The following SMAD5 variants were observed in gnomAD, a reference collection of about 807,000 sequenced individuals.
The protein encoded by SMAD5 is MAD, mothers against decapentaplegic homolog 5.
In SMAD5, 9 loss-of-function variants were observed where a neutral mutation model predicts 43.1. The observed-to-expected ratio is 0.21, with a 90% CI of 0.13 to 0.36. SMAD5 has a LOEUF of 0.36. Among genes scored for constraint, SMAD5 ranks in the 10% least tolerant of loss-of-function variants. SMAD5 has a pLI of 1.00. For missense variants in SMAD5, 348 were observed against 574.0 expected, an observed-to-expected ratio of 0.61 and a Z score of 4.02; for synonymous variants, 190 against 192.4, an observed-to-expected ratio of 0.99 and a Z score of 0.10.
rs1754498168 is a variant in SMAD5, at chr5:136,178,297, C to CT, written c.*818dup. ...GCTTTTGGACAATGTTGCAAGAACT[C>CT]TATTTTTGACATGCATTAATCTTTT... On this transcript the variant is annotated 3_prime_UTR_variant, in exon 8 of 8. Transcript: ENST00000545279. 6.6e-6 allele frequency: 1 copy of CT among 152,606 alleles called. No homozygotes were observed. Among genetic ancestry groups the CT allele is most frequent in the Admixed American group, 6.5e-5 (1 of 15,286 alleles). 9.5% of individuals were successfully genotyped at this position (152,606 alleles called of 1,614,324 possible). A position where few individuals can be genotyped will look rare whatever the true frequency, so the allele number is the denominator to read the frequency against.
intron 4 of SMAD5, 23 bp from the exon 5 acceptor site, chr5:136,163,249 A>G (rs757121109): frequency 1.3e-6 from 2 of 1,566,272 alleles, no homozygotes; most frequent in East Asian, 2.3e-5. Context: ...GAAGATTTTA[A>G]TTATTATTTT....
At chr5:136,140,652 C>G (rs906127207) in intron 1 of SMAD5, among the ~76,000 whole-genome samples, 2 of 152,002 alleles carry the variant, frequency 1.3e-5, no homozygotes, top group Non-Finnish European at 2.9e-5. Flanking sequence ...CTTGGTGAGA[C>G]CCAGCCCAGC....
Position 136,167,412 on chromosome 5 carries a change from C to G in SMAD5, c.775+4021C>G, listed in dbSNP as rs185597576. On this transcript the variant is annotated intron_variant, in intron 5 of 7. Coordinates refer to ENST00000545279, the MANE Select transcript of SMAD5 (RefSeq NM_005903.7). ...ATACTCAGAATTGATTTATTTTCCT[C>G]TCTTTCTTCTCATCTGAATTCTTTG... is the stretch of plus-strand genomic sequence containing the variant. Among the ~76,000 whole-genome samples the G allele has an allele frequency of 2.6e-3, 396 of 152,194 alleles. 11 individuals are homozygous for G. Among genetic ancestry groups the G allele is most frequent in the Admixed American group, 0.023 (346 of 15,282 alleles).
rs2149782143 is a variant in SMAD5 at position 136,175,549 on chromosome 5, C to T, written c.1254+917C>T. On this transcript the variant is annotated intron_variant, in intron 7 of 7. Coordinates refer to ENST00000545279, the MANE Select transcript of SMAD5 (RefSeq NM_005903.7). ...CTCTTCACCTGACTGTATTGACATT[C>T]CAAAGATTTGTGCTTAAAATCTGAA... Among the ~76,000 whole-genome samples, 3 of 152,248 alleles carry T rather than the reference C, an allele frequency of 2.0e-5. No homozygotes were observed. In the East Asian group the frequency reaches 5.8e-4, roughly 29 times the overall value.
At position 136,148,163 on chromosome 5, in the gene SMAD5, T is replaced by G. The variant is rs10042143; in HGVS notation, c.-170+257T>G. Among the ~76,000 whole-genome samples, 54,543 of 151,498 alleles carry G rather than the reference T, an allele frequency of 0.36. 10,803 individuals are homozygous for G. The highest frequency in any genetic ancestry group is 0.54 in the African/African-American group (22,281 of 41,362). The stretch of plus-strand genomic sequence containing the variant: ...TATAATGAACAAATAATGGATCAAG[T>G]GTGAATGGATAAACAATTTTTCCCA... On this transcript the variant is annotated intron_variant, in intron 2 of 7. Transcript: ENST00000545279.
chr5:136,143,208 G>T (rs1328634831), intron 1 of SMAD5, among the ~76,000 whole-genome samples: 1 of 151,356 alleles, frequency 6.6e-6, no homozygotes, highest in Non-Finnish European at 1.5e-5. Context: ...ATTATTCAGG[G>T]TTTAAACCTT....
Position 136,179,711 on chromosome 5 carries a change from C to T in SMAD5, c.*2231C>T, listed in dbSNP as rs1185108440. ...TTCTTCCAGAGTTCTGTCTGCCACA[C>T]GAAAGAGAATATTTGCTTACTTGAT... On this transcript the variant is annotated 3_prime_UTR_variant, in exon 8 of 8. Coordinates refer to ENST00000545279, the MANE Select transcript of SMAD5 (RefSeq NM_005903.7). 2.6e-5 allele frequency: 4 copies of T among 152,146 alleles called. No homozygotes were observed. Among genetic ancestry groups the T allele is most frequent in the Admixed American group, 6.5e-5 (1 of 15,282 alleles). 9.4% of individuals were successfully genotyped at this position (152,146 alleles called of 1,614,324 possible). A position where few individuals can be genotyped will look rare whatever the true frequency, so the allele number is the denominator to read the frequency against.
chr5:136,141,557 A>G (rs1050910579), intron 1 of SMAD5, among the ~76,000 whole-genome samples: 1 of 152,166 alleles, frequency 6.6e-6, no homozygotes, highest in African/African-American at 2.4e-5. Flanking sequence ...ACTTAGAAAA[A>G]GGCCTTCTCA....
intron 1 of SMAD5, chr5:136,134,164 T>G (rs1287492793): frequency 6.6e-6 from 1 of 152,518 alleles, no homozygotes; most frequent in Non-Finnish European, 1.5e-5. Context: ...TGTCTAGGTT[T>G]GTCACATCAT....
intron 5 of SMAD5, among the ~76,000 whole-genome samples, chr5:136,168,079 G>T (rs964430230): frequency 2.6e-5 from 4 of 152,086 alleles, no homozygotes; most frequent in Admixed American, 1.3e-4. Flanking sequence ...GACCTCACAT[G>T]ATCTGCCCAC....
chr5:136,152,911 C>A (rs1020431349), intron 2 of SMAD5, among the ~76,000 whole-genome samples: 1 of 151,964 alleles, frequency 6.6e-6, no homozygotes, highest in African/African-American at 2.4e-5. Flanking sequence ...TAAAATAAGC[C>A]GATAGGAATT....
intron 3 of SMAD5, among the ~76,000 whole-genome samples, chr5:136,159,833 T>C (rs1175998102): frequency 6.6e-6 from 1 of 152,244 alleles, no homozygotes; most frequent in Non-Finnish European, 1.5e-5. Context: ...CACTGGATTG[T>C]TGTGTACATC....
rs1001786230 is a variant in SMAD5 at position 136,145,464 on chromosome 5, A to G, written c.-244-2368A>G. ...AACATTCTTCATACTTACATTCTTG[A>G]TGGCAGAAGGATGATACTGTGAATA... On this transcript the variant is annotated intron_variant, in intron 1 of 7. Transcript: ENST00000545279. Among the ~76,000 whole-genome samples the G allele has an allele frequency of 2.6e-5, 4 of 151,978 alleles. No individual in the cohort carries two copies. In the East Asian group the frequency reaches 7.7e-4, roughly 29 times the overall value.
intron 1 of SMAD5, among the ~76,000 whole-genome samples, chr5:136,135,685 A>G (rs1486248490): frequency 1.3e-5 from 2 of 152,210 alleles, no homozygotes; most frequent in African/African-American, 4.8e-5. Context: ...TTTATGACAT[A>G]TCAGTGTTTA....
At chr5:136,161,746 T>G (rs1297430609) in intron 4 of SMAD5, among the ~76,000 whole-genome samples, 1 of 152,188 alleles carries the variant, frequency 6.6e-6, no homozygotes, top group Non-Finnish European at 1.5e-5. Flanking sequence ...TATGTCACTG[T>G]CAAGAAATAT....
intron 5 of SMAD5, among the ~76,000 whole-genome samples, chr5:136,170,033 T>C (rs75196157): frequency 2.6e-5 from 4 of 152,074 alleles, no homozygotes; most frequent in Middle Eastern, 3.2e-3. Flanking sequence ...ATTTTTTTTT[T>C]CCTAATCTGT....
intron 1 of SMAD5, among the ~76,000 whole-genome samples, chr5:136,143,963 T>C (rs1667401334): frequency 6.6e-6 from 1 of 152,094 alleles, no homozygotes; most frequent in African/African-American, 2.4e-5. Flanking sequence ...TTTCCAGTTA[T>C]ACTGTTCTTT....
chr5:136,172,341 A>G (rs1754255124), intron 5 of SMAD5, 93 bp from the exon 6 acceptor site: 6 of 690,424 alleles, frequency 8.7e-6, no homozygotes, highest in Non-Finnish European at 1.4e-5. Context: ...TTTCTTTTTC[A>G]TGTAATACTT....
intron 1 of SMAD5, among the ~76,000 whole-genome samples, chr5:136,146,105 A>C (rs928545977): frequency 6.6e-6 from 1 of 151,870 alleles, no homozygotes; most frequent in African/African-American, 2.4e-5. Context: ...TCAACTCTTT[A>C]TTATCTAGCT....
Sources: gnomAD v4.1 joint callset for allele counts (sites outside exome capture counted in the v4.1 genomes callset) on GRCh38, gnomAD v4.1.1 for gene constraint, MANE v1.5 for transcripts, NCBI Gene and HGNC (gene_info 2026-07-23, HGNC 2026-07-21) for gene names.